The following COL15A1 variants were observed in gnomAD, a reference collection of about 807,000 sequenced individuals.
COL15A1 encodes the protein collagen type XV alpha 1 chain.
In COL15A1, 111 loss-of-function variants were observed where a neutral mutation model predicts 165.9. The ratio of observed to expected loss-of-function variants is 0.67; its 90% CI spans 0.57 to 0.78. The LOEUF is 0.78. Among genes scored for constraint, COL15A1 ranks in the 30% least tolerant of loss-of-function variants. The pLI, the probability that COL15A1 is intolerant of heterozygous loss-of-function variation, is 0.00. For synonymous variants in COL15A1, 659 were observed against 674.8 expected (o/e 0.98, Z 0.36); for missense variants, 1,745 against 1,789.7 (o/e 0.98, Z 0.45).
At chr9:99,013,983 T>TC (rs956459501) in intron 9 of COL15A1, among the ~76,000 whole-genome samples, 6 of 150,730 alleles carry the variant, frequency 4.0e-5, no homozygotes, top group Non-Finnish European at 7.4e-5. Flanking sequence ...TGTTTTTTTT[T>TC]CCCCTCTCTT....
chr9:99,053,754 G>T (rs1004283326), intron 31 of COL15A1, among the ~76,000 whole-genome samples: 2 of 152,194 alleles, frequency 1.3e-5, no homozygotes, highest in Non-Finnish European at 2.9e-5. Flanking sequence ...CATCATTCCT[G>T]TGATGCTCAT....
chr9:99,050,950 C>A (rs1588534335), intron 30 of COL15A1, among the ~76,000 whole-genome samples: 1 of 152,186 alleles, frequency 6.6e-6, no homozygotes, highest in Admixed American at 6.5e-5. Flanking sequence ...AGGGCAGGAC[C>A]CACCTATGTC....
At chr9:98,967,613 G>A (rs1204007777) in intron 2 of COL15A1, among the ~76,000 whole-genome samples, 1 of 152,222 alleles carries the variant, frequency 6.6e-6, no homozygotes, top group East Asian at 1.9e-4. Context: ...CTTGAATGCT[G>A]TGCTATGATC....
At chr9:99,010,107 C>T (rs920345847) in intron 9 of COL15A1, among the ~76,000 whole-genome samples, 4 of 152,176 alleles carry the variant, frequency 2.6e-5, no homozygotes, top group African/African-American at 7.2e-5. Flanking sequence ...GTCTCACGAA[C>T]GCAGTTTATT....
chr9:99,051,636 T>C (rs573987706), intron 30 of COL15A1, among the ~76,000 whole-genome samples: 6 of 152,292 alleles, frequency 3.9e-5, no homozygotes, highest in South Asian at 2.1e-4. Flanking sequence ...TCCTGGTAGA[T>C]TTCCTCCCCA....
At chr9:98,948,826 T>C (rs1024771765) in intron 2 of COL15A1, among the ~76,000 whole-genome samples, 2 of 152,242 alleles carry the variant, frequency 1.3e-5, no homozygotes, top group Non-Finnish European at 2.9e-5. Flanking sequence ...GTGTTGATGA[T>C]TGCAAATTAT....
At chr9:98,982,278 C>T (rs1289458366) in intron 2 of COL15A1, among the ~76,000 whole-genome samples, 1 of 152,016 alleles carries the variant, frequency 6.6e-6, no homozygotes, top group Admixed American at 6.6e-5. Flanking sequence ...ATGACCACAC[C>T]CATTAATGTA....
intron 9 of COL15A1, among the ~76,000 whole-genome samples, chr9:99,005,353 G>A (rs563863819): frequency 2.8e-4 from 42 of 152,158 alleles, no homozygotes; most frequent in African/African-American, 8.7e-4. Flanking sequence ...GAGGAGTGGC[G>A]GGCTCCTGGA....
Position 99,055,053 on chromosome 9 carries a change from A to G in COL15A1, c.3032-49A>G. On this transcript the variant is annotated intron_variant, in intron 32 of 41. Coordinates refer to ENST00000375001, the MANE Select transcript of COL15A1 (RefSeq NM_001855.5). ...TGCCAACTTAGAGACTTTTATTTTA[A>G]AATTTCTGAAATTACAATCGTGAAT... 2.0e-6 allele frequency: 3 copies of G among 1,508,788 alleles called. No individual in the cohort carries two copies. In the Admixed American group the frequency reaches 5.0e-5, roughly 25 times the overall value. 93.5% of individuals were successfully genotyped at this position (1,508,788 alleles called of 1,614,324 possible). A position where few individuals can be genotyped will look rare whatever the true frequency, so the allele number is the denominator to read the frequency against.
chr9:99,064,276 A>G (rs1484581426), intron 39 of COL15A1, among the ~76,000 whole-genome samples: 3 of 152,120 alleles, frequency 2.0e-5, no homozygotes, highest in African/African-American at 7.2e-5. Flanking sequence ...TCTTGGGTCA[A>G]TTGCCCACTC....
intron 31 of COL15A1, among the ~76,000 whole-genome samples, 198 bp from the exon 32 acceptor site, chr9:99,054,378 G>A (rs1224545258): frequency 1.3e-5 from 2 of 152,288 alleles, no homozygotes; most frequent in African/African-American, 2.4e-5. Flanking sequence ...AGTAGACTGA[G>A]CTTTTCAAGG....
chr9:99,035,748 A>G (rs1327151256), intron 19 of COL15A1, among the ~76,000 whole-genome samples: 1 of 151,990 alleles, frequency 6.6e-6, no homozygotes, highest in African/African-American at 2.4e-5. Context: ...TGCCCCATTC[A>G]ATGCACACAC....
intron 41 of COL15A1, 47 bp downstream of exon 41, chr9:99,068,717 A>AG: frequency 8.8e-7 from 1 of 1,132,346 alleles, no homozygotes; most frequent in Non-Finnish European, 1.3e-6. Context: ...AGATAGTTTT[A>AG]GGGGGCATCC....
chr9:99,054,975 ACT>A (rs1360082454), intron 32 of COL15A1, 125 bp from the exon 33 acceptor site: 39 of 848,186 alleles, frequency 4.6e-5, no homozygotes, highest in Non-Finnish European at 7.5e-5. Context: ...TTCCAAGCAG[ACT>A]CTGTTAGCCA....
At chr9:99,059,781 G>A in intron 35 of COL15A1, 108 bp from the exon 36 acceptor site, 3 of 1,222,608 alleles carry the variant, frequency 2.5e-6, no homozygotes, top group Non-Finnish European at 3.5e-6. Flanking sequence ...GATGCTTTGT[G>A]GCGCTGTGAA....
At chr9:98,954,464 A>C (rs1837744103) in intron 2 of COL15A1, among the ~76,000 whole-genome samples, 1 of 152,156 alleles carries the variant, frequency 6.6e-6, no homozygotes, top group Non-Finnish European at 1.5e-5. Flanking sequence ...CCCCCTTAAC[A>C]ATCATCTAGA....
Position 99,047,805 on chromosome 9 carries a change from G to A in COL15A1, c.2699G>A (p.Gly900Glu). 1.9e-6 allele frequency: 3 copies of A among 1,614,120 alleles called. No homozygotes were observed. In the South Asian group the frequency reaches 3.3e-5, roughly 18 times the overall value. ...CTCTAGGGGCCCAAAGGACCACCAG[G>A]ACATAAAGGAGAATTTGGCCTTCCC... ...PGPMGPKGPP[G>E]HKGEFGLPGR... Residue 900 changes from glycine to glutamate, a missense_variant, in exon 27 of 42, where the codon GGA becomes GAA. Transcript: ENST00000375001.
intron 3 of COL15A1, 25 bp from the exon 4 acceptor site, chr9:98,987,269 C>T (rs751715905): frequency 2.5e-6 from 4 of 1,610,174 alleles, no homozygotes; most frequent in South Asian, 1.1e-5. Context: ...CAAACCGTGG[C>T]TTCTGATCCG....
At chr9:99,010,683 T>G (rs146419880) in intron 9 of COL15A1, among the ~76,000 whole-genome samples, 1 of 152,274 alleles carries the variant, frequency 6.6e-6, no homozygotes, top group South Asian at 2.1e-4. Context: ...TTCGATCATA[T>G]AGCCTCCAGT....
Sources: gnomAD v4.1 joint callset for allele counts (sites outside exome capture counted in the v4.1 genomes callset) on GRCh38, gnomAD v4.1.1 for gene constraint, MANE v1.5 for transcripts, NCBI Gene and HGNC (gene_info 2026-07-23, HGNC 2026-07-21) for gene names.